TBX1: variants seen among roughly 807,000 people sequenced by gnomAD.
TBX1 encodes the protein T-box transcription factor 1.
In TBX1, 16 loss-of-function variants were observed where a neutral mutation model predicts 40.8. That is an observed-to-expected ratio of 0.39 (90% CI 0.27 to 0.60). TBX1 has a LOEUF of 0.60. TBX1 is among the 20% of genes least tolerant of loss of function. TBX1 has a pLI of 0.51. For synonymous variants in TBX1, 403 were observed against 336.8 expected, an observed-to-expected ratio of 1.20 and a Z score of -2.15; for missense variants, 755 against 728.5, an observed-to-expected ratio of 1.04 and a Z score of -0.42.
In TBX1 at chr22:19,767,175, T is replaced by G; in HGVS notation, c.*308T>G. 1 of 1,149,272 alleles carries G rather than the reference T, an allele frequency of 8.7e-7. No homozygotes were observed. Among genetic ancestry groups the G allele is most frequent in the Non-Finnish European group, 1.1e-6 (1 of 933,856 alleles). The allele number at this position is 1,149,272 out of a possible 1,614,324, so 71.2% of individuals were successfully genotyped here. A position where few individuals can be genotyped will look rare whatever the true frequency, so the allele number is the denominator to read the frequency against. On this transcript the variant is annotated 3_prime_UTR_variant, in exon 7 of 7. Coordinates refer to ENST00000649276, the MANE Select transcript of TBX1 (RefSeq NM_001379200.1). ...GGAGGCGGAAGGAAGTGATATTTAT[T>G]GTTCTCCCCGAGACCGCGTCGCCCG...
chr22:19,763,283 T>A lies in TBX1; in HGVS notation c.480T>A (p.Asp160Glu), dbSNP rs778041960. The A allele has an allele frequency of 5.0e-6, 8 of 1,614,030 alleles. No homozygotes were observed. The highest frequency in any genetic ancestry group is 4.5e-5 in the East Asian group (2 of 44,884). ...TCCAAGTGAAGCTCTTCGGCATGGA[T>A]CCCATGGCCGACTATATGCTGCTCA... ...PTFQVKLFGM[D>E]PMADYMLLMD... Residue 160 changes from aspartate to glutamate, a missense_variant, in exon 2 of 7, where the codon GAT becomes GAA. Physicochemically the swap from Asp to Glu is conservative, Grantham distance 45 (BLOSUM62 2). This residue lies in a region of TBX1 where 144 missense variants were observed against 238.0 expected (regional missense o/e 0.61). Transcript: ENST00000649276.
In TBX1 at chr22:19,767,061, G is replaced by T. The variant is rs551528783; in HGVS notation, c.*194G>T. ...AGCCCCTTGGGCTATCGAAGTATCC[G>T]GTTCCCCAGTCCCTGGAGCCACCGC... On this transcript the variant is annotated 3_prime_UTR_variant, in exon 7 of 7. Transcript: ENST00000649276. 1 of 1,291,634 alleles carries T rather than the reference G, an allele frequency of 7.7e-7. No individual in the cohort carries two copies. The highest frequency in any genetic ancestry group is 3.2e-5 in the East Asian group (1 of 30,874). The allele number at this position is 1,291,634 out of a possible 1,614,324, so 80.0% of individuals were successfully genotyped here.
downstream of TBX1, among the ~76,000 whole-genome samples, chr22:19,771,699 C>T (rs1190158000): frequency 6.6e-6 from 1 of 152,190 alleles, no homozygotes; most frequent in Non-Finnish European, 1.5e-5. Flanking sequence ...GGTGCATCTC[C>T]CCATTTCACC....
downstream of TBX1, among the ~76,000 whole-genome samples, chr22:19,769,539 C>T (rs1936953081): frequency 6.6e-6 from 1 of 152,234 alleles, no homozygotes; most frequent in Non-Finnish European, 1.5e-5. Context: ...GCGCACGCCG[C>T]TGCTCACCGT....
upstream of TBX1, chr22:19,759,689 G>A (rs750439149): frequency 6.2e-7 from 1 of 1,612,258 alleles, no homozygotes; most frequent in Non-Finnish European, 8.5e-7. Context: ...TGAGCCTCCA[G>A]GCCGTGTCTA....
chr22:19,777,612 C>T (rs943461945), intron 8 of TBX1, among the ~76,000 whole-genome samples: 16 of 152,254 alleles, frequency 1.1e-4, no homozygotes, highest in Admixed American at 7.8e-4. Flanking sequence ...TTATAAAGAG[C>T]GTGCTGGCCT....
Position 19,779,348 on chromosome 22 carries a change from C to T in TBX1, c.1138C>T (p.Gln380Ter). Residue 380 changes from glutamine to a stop codon, truncating the protein, a stop_gained, in exon 9 of 9, where the codon CAA becomes TAA. Transcript: ENST00000329705. LOFTEE classifies it low-confidence loss of function (END_TRUNC). ...GGGGCTCCCCTGCCCCGCAGAGTGC[C>T]AACCCTTCAATACCCAGGGCCTGGT... 1 of 1,614,190 alleles carries T rather than the reference C, an allele frequency of 6.2e-7. No individual in the cohort carries two copies. The highest frequency in any genetic ancestry group is 2.2e-5 in the East Asian group (1 of 44,884).
rs2145837821 is a variant in TBX1 at position 19,766,313 on chromosome 22, C to A, written c.1037-76C>A. On this transcript the variant is annotated intron_variant, in intron 6 of 6. Transcript: ENST00000649276. ...AGGGCGGCCAAGAGCCTTCTCTCCG[C>A]CAGGGCCTCGCATGGGGCGTCGGAG... The A allele has an allele frequency of 2.5e-6, 3 of 1,222,548 alleles. No homozygotes were observed. The South Asian group carries it at 9.6e-5, about 39-fold the overall frequency. 75.7% of individuals were successfully genotyped at this position (1,222,548 alleles called of 1,614,324 possible). A position where few individuals can be genotyped will look rare whatever the true frequency, so the allele number is the denominator to read the frequency against.
chr22:19,778,921 A>C (rs538644830), intron 8 of TBX1, among the ~76,000 whole-genome samples: 1 of 152,208 alleles, frequency 6.6e-6, no homozygotes, highest in East Asian at 2.0e-4. Context: ...CGTCTCAAAC[A>C]AATAAAATAA....
intron 8 of TBX1, among the ~76,000 whole-genome samples, chr22:19,776,107 A>G (rs1937060939): frequency 6.6e-6 from 1 of 152,104 alleles, no homozygotes; most frequent in South Asian, 2.1e-4. Context: ...CATGGCTGCT[A>G]GTGCCCCTGA....
chr22:19,765,142 G>T, intron 4 of TBX1, 29 bp downstream of exon 4: 2 of 1,614,044 alleles, frequency 1.2e-6, no homozygotes, highest in Non-Finnish European at 1.7e-6. Flanking sequence ...GACCTGAGCG[G>T]ATTCAACGCC....
chr22:19,772,514 T>C lies in TBX1; in HGVS notation c.1009+6512T>C, dbSNP rs895216217. ...ATGAGTCTTGCTATGTTGCCCAGGC[T>C]GGTCTTGAACTCCTGCCTCTTGAAC... On this transcript the variant is annotated intron_variant, in intron 8 of 8. Transcript: ENST00000329705. Among the ~76,000 whole-genome samples, 4 of 152,294 alleles carry C rather than the reference T, an allele frequency of 2.6e-5. No homozygotes were observed. In the East Asian group the frequency reaches 7.7e-4, roughly 29 times the overall value.
upstream of TBX1, among the ~76,000 whole-genome samples, chr22:19,757,846 A>G (rs1374881781): frequency 2.6e-5 from 4 of 152,142 alleles, no homozygotes; most frequent in Non-Finnish European, 5.9e-5. Flanking sequence ...AGTCATTGTC[A>G]CTGTCATGGC....
chr22:19,766,075 C>T (rs13054135), intron 6 of TBX1, 73 bp downstream of exon 6: 3 of 1,284,230 alleles, frequency 2.3e-6, no homozygotes, highest in African/African-American at 3.1e-5. Flanking sequence ...CCTCGCCCGA[C>T]CTCGCCTGCG....
chr22:19,778,986 G>T (rs1937108492), intron 8 of TBX1, among the ~76,000 whole-genome samples: 1 of 152,196 alleles, frequency 6.6e-6, no homozygotes, highest in African/African-American at 2.4e-5. Flanking sequence ...TTTCCTTGGG[G>T]TCACTGACTG....
intron 5 of TBX1, 30 bp from the exon 6 acceptor site, chr22:19,765,872 G>A (rs760664903): frequency 5.8e-6 from 9 of 1,560,158 alleles, no homozygotes; most frequent in Admixed American, 1.9e-5. Flanking sequence ...CCTGGCGCAG[G>A]CGCCGCCCTG....
In TBX1 at chr22:19,766,776, C is replaced by T. The variant is rs753613632; in HGVS notation, c.1424C>T (p.Ala475Val). 79 of 1,480,198 alleles carry T rather than the reference C, an allele frequency of 5.3e-5. 1 individual carries two copies. In the Admixed American group the frequency reaches 2.0e-3, roughly 38 times the overall value. 91.7% of individuals were successfully genotyped at this position (1,480,198 alleles called of 1,614,324 possible). A position where few individuals can be genotyped will look rare whatever the true frequency, so the allele number is the denominator to read the frequency against. ...HHPVSPAAAA[A>V]AAAAAAAAAA... ...CCCGTGAGTCCAGCCGCCGCGGCCG[C>T]CGCCGCCGCTGCCGCAGCTGCCGCG... Residue 475 changes from alanine (A) to valine (V), a missense_variant, in exon 7 of 7, where the codon GCC becomes GTC. Transcript: ENST00000649276.
chr22:19,761,473 C>T (rs892297484), intron 1 of TBX1, among the ~76,000 whole-genome samples, 193 bp downstream of exon 1: 1 of 151,774 alleles, frequency 6.6e-6, no homozygotes, highest in Non-Finnish European at 1.5e-5. Context: ...GCCCGGCGCT[C>T]CCCTCCTAAC....
Position 19,776,025 on chromosome 22 carries a change from G to A in TBX1, c.1010-3195G>A, listed in dbSNP as rs1165273681. Among the ~76,000 whole-genome samples the A allele has an allele frequency of 3.9e-5, 6 of 152,150 alleles. No individual in the cohort carries two copies. The South Asian group carries it at 1.0e-3, about 26-fold the overall frequency. ...GGCCCCTCCAAGTGCTCGGGCCCCAGGCAAGTCCCACCGGCTCCCGAGTGG... is the reference window on the plus strand; with the variant it reads ...GGCCCCTCCAAGTGCTCGGGCCCCAAGCAAGTCCCACCGGCTCCCGAGTGG... On this transcript the variant is annotated intron_variant, in intron 8 of 8. Coordinates refer to the TBX1 transcript ENST00000329705.
Sources: allele counts gnomAD v4.1 joint callset (sites outside exome capture counted in the v4.1 genomes callset), GRCh38; gene constraint gnomAD v4.1.1; regional missense constraint gnomAD v4.1.1; transcripts MANE v1.5; gene names NCBI Gene and HGNC (gene_info 2026-07-23, HGNC 2026-07-21).